Variants in AMZ1 observed in about 807,000 individuals in gnomAD.
The protein encoded by AMZ1 is archaelysin family metallopeptidase 1.
Under a neutral mutation model 29.9 loss-of-function variants are expected in AMZ1, and 39 were observed. The ratio of observed to expected loss-of-function variants is 1.30; its 90% CI spans 1.01 to 1.70. The LOEUF is 1.70. Among genes scored for constraint, AMZ1 ranks in the 40% most tolerant of loss-of-function variants. The pLI is 0.00. For synonymous variants in AMZ1, 458 were observed against 304.0 expected (o/e 1.51, Z -5.27); for missense variants, 1,041 against 680.6 (o/e 1.53, Z -5.89).
chr7:2,734,980 G>A (rs1790090166), intron 4 of AMZ1, among the ~76,000 whole-genome samples: 1 of 152,232 alleles, frequency 6.6e-6, no homozygotes. Flanking sequence ...CCCCCGTGAT[G>A]TGGGAAGCCA....
chr7:2,721,349 C>T (rs549481300), downstream of AMZ1, among the ~76,000 whole-genome samples: 4 of 152,310 alleles, frequency 2.6e-5, no homozygotes, highest in South Asian at 4.2e-4. Flanking sequence ...GCTTGCCCCA[C>T]GGTGGAACGC....
intron 1 of AMZ1, among the ~76,000 whole-genome samples, chr7:2,690,920 C>A (rs936828576): frequency 1.3e-5 from 2 of 151,956 alleles, no homozygotes; most frequent in African/African-American, 4.8e-5. Context: ...GCAGGCAGAC[C>A]ACTTGAGGCC....
At chr7:2,732,234 C>T (rs1336344765) in intron 4 of AMZ1, among the ~76,000 whole-genome samples, 1 of 152,172 alleles carries the variant, frequency 6.6e-6, no homozygotes, top group Non-Finnish European at 1.5e-5. Context: ...GCATACTCTT[C>T]ACTCACTTTG....
At chr7:2,694,345 C>G (rs192673231) in intron 1 of AMZ1, among the ~76,000 whole-genome samples, 2 of 152,208 alleles carry the variant, frequency 1.3e-5, no homozygotes, top group African/African-American at 4.8e-5. Flanking sequence ...CTCAGGCCTT[C>G]GGACATGAGC....
intron 1 of AMZ1, among the ~76,000 whole-genome samples, chr7:2,692,236 G>A (rs1239976800): frequency 6.6e-6 from 1 of 152,124 alleles, no homozygotes; most frequent in Non-Finnish European, 1.5e-5. Context: ...AGGACACAGT[G>A]GGGTTGAAAG....
intron 4 of AMZ1, among the ~76,000 whole-genome samples, chr7:2,726,715 A>G (rs1789632634): frequency 6.6e-6 from 1 of 152,224 alleles, no homozygotes; most frequent in Non-Finnish European, 1.5e-5. Flanking sequence ...TCTTTCCAGA[A>G]AGCTGCTTGT....
chr7:2,757,129 C>CT (rs71026549), intron 4 of AMZ1, among the ~76,000 whole-genome samples: 1,607 of 93,894 alleles, frequency 0.017, 12 homozygotes, highest in African/African-American at 0.019. Context: ...TCAGGTGGGC[C>CT]TTTTTTTTTT....
chr7:2,762,669 T>C (rs576113824), upstream of AMZ1: 24 of 1,597,526 alleles, frequency 1.5e-5, no homozygotes, highest in East Asian at 4.8e-4. Context: ...AGAGGATAAA[T>C]CATTTGGAAA....
rs759132863 is a variant in AMZ1 at position 2,700,547 on chromosome 7, T to C, written c.96T>C (p.Tyr32=). The change falls in exon 2 of 7, where the codon TAT becomes TAC. Residue 32 remains tyrosine, a synonymous_variant. Transcript: ENST00000683327. ...CTGACGCAGCCCTGCAGCAGCTGTA[T>C]GTGTCCGCCTTCTCCCCTGCCGAGC... The part of the protein sequence containing the change: ...VSTDAALQQL[Y]VSAFSPAERL... The C allele has an allele frequency of 8.1e-6, 13 of 1,609,516 alleles. No individual in the cohort carries two copies. The highest frequency in any genetic ancestry group is 1.7e-5 in the Admixed American group (1 of 60,030).
At chr7:2,732,424 T>C (rs549125335) in intron 4 of AMZ1, among the ~76,000 whole-genome samples, 7 of 152,294 alleles carry the variant, frequency 4.6e-5, no homozygotes, top group African/African-American at 1.7e-4. Flanking sequence ...CCTCATGCTA[T>C]AGTCCCAGCT....
Position 2,718,615 on chromosome 7 carries a change from C to A in AMZ1, c.*5737C>A, listed in dbSNP as rs191165490. Among the ~76,000 whole-genome samples, 13 of 152,388 alleles carry A rather than the reference C, an allele frequency of 8.5e-5. 1 individual carries two copies. The highest frequency in any genetic ancestry group is 1.8e-4 in the Non-Finnish European group (12 of 68,042). Reference sequence around the variant, plus strand: ...TGTGGGGTCCAGTCTGAAGCCGACGCCCCTCTCGGTCAGGCTTTCAGCAGC... The same window carrying A: ...TGTGGGGTCCAGTCTGAAGCCGACGACCCTCTCGGTCAGGCTTTCAGCAGC... On this transcript the variant is annotated 3_prime_UTR_variant, in exon 7 of 7. Transcript: ENST00000683327.
intron 4 of AMZ1, among the ~76,000 whole-genome samples, chr7:2,738,087 G>A (rs765246153): frequency 6.6e-6 from 1 of 151,984 alleles, no homozygotes; most frequent in African/African-American, 2.4e-5. Context: ...TTTTAATTTG[G>A]GTACCTATGA....
rs1583228276 is a variant in AMZ1 at position 2,746,730 on chromosome 7, G to T, written n.551-17982G>T. 2.6e-5 allele frequency among the ~76,000 whole-genome samples: 4 copies of T among 152,186 alleles called. No homozygotes were observed. The East Asian group carries it at 7.7e-4, about 29-fold the overall frequency. ...CTTCAAAAAATTAATGAATCCAGGAGCTGGTTTTTTGAAAAGATCAACAAA... is the reference window on the plus strand; with the variant it reads ...CTTCAAAAAATTAATGAATCCAGGATCTGGTTTTTTGAAAAGATCAACAAA... On this transcript the variant is annotated intron_variant and non_coding_transcript_variant, in intron 4 of 4. Transcript: ENST00000489665.
downstream of AMZ1, among the ~76,000 whole-genome samples, chr7:2,720,004 C>CT (rs1215259461): frequency 6.6e-6 from 1 of 152,154 alleles, no homozygotes; most frequent in Admixed American, 6.6e-5. Context: ...TTAAAAAGGG[C>CT]TTAAACGAAG....
Position 2,709,890 on chromosome 7 carries a change from A to C in AMZ1, c.948+74A>C, listed in dbSNP as rs934857786. On this transcript the variant is annotated intron_variant, in intron 6 of 6. Coordinates refer to ENST00000683327, the MANE Select transcript of AMZ1 (RefSeq NM_001384743.1). ...GGCCCGCGAGCGCCGCCTGGAGGCT[A>C]CGCAGGGCATGGGGACCGCACACAG... is the stretch of plus-strand genomic sequence containing the variant. 3 of 1,570,000 alleles carry C rather than the reference A, an allele frequency of 1.9e-6. No homozygotes were observed. The African/African-American group carries it at 4.1e-5, about 21-fold the overall frequency.
chr7:2,709,178 G>GGC lies in AMZ1; in HGVS notation c.706_707dup (p.Leu238ProfsTer64). 1 of 1,545,886 alleles carries GGC rather than the reference G, an allele frequency of 6.5e-7. No homozygotes were observed. Among genetic ancestry groups the GGC allele is most frequent in the African/African-American group, 1.4e-5 (1 of 72,354 alleles). On this transcript the variant is annotated frameshift_variant, in exon 5 of 7. Transcript: ENST00000683327. LOFTEE classifies it high-confidence loss of function. ...TAGAGGCAGCAGCAGACGGCCCCGA[G>GGC]GCCCCCCTGCAGGACAGGGGCTGGG...
chr7:2,686,366 C>G (rs935353478), upstream of AMZ1, among the ~76,000 whole-genome samples: 3 of 152,060 alleles, frequency 2.0e-5, no homozygotes, highest in Non-Finnish European at 4.4e-5. Flanking sequence ...GATCCCATCT[C>G]TACATAAAAG....
At position 2,712,823 on chromosome 7, in the gene AMZ1, G is replaced by C. The variant is rs759528870; in HGVS notation, c.1442G>C (p.Arg481Pro). Residue 481 changes from arginine (R) to proline (P), a missense_variant, in exon 7 of 7, where the codon CGA (arginine) becomes CCA (proline). Arg to Pro is a moderately radical substitution (Grantham distance 103). Transcript: ENST00000683327. ...TCCCTGAGGAGGAAGCTGAGTGCCC[G>C]AAAACTCGCCAGAGCAGAGTCGGCC... is the stretch of plus-strand genomic sequence containing the variant. ...FSSLRRKLSA[R>P]KLARAESAPR... The C allele has an allele frequency of 6.5e-7, 1 of 1,536,658 alleles. No homozygotes were observed. Among genetic ancestry groups the C allele is most frequent in the Admixed American group, 2.0e-5 (1 of 50,642 alleles).
chr7:2,703,023 T>G lies in AMZ1; in HGVS notation c.472+134T>G, dbSNP rs1474244981. 5 of 1,298,272 alleles carry G rather than the reference T, an allele frequency of 3.9e-6. No individual in the cohort carries two copies. In the African/African-American group the frequency reaches 7.6e-5, roughly 20 times the overall value. 80.4% of individuals were successfully genotyped at this position (1,298,272 alleles called of 1,614,324 possible). On this transcript the variant is annotated intron_variant, in intron 3 of 6. Coordinates refer to ENST00000683327, the MANE Select transcript of AMZ1 (RefSeq NM_001384743.1). ...TGGGAAACATCCATTTCCCAGGTGTTTGGGAAGCAGGACCAAGCCGGAGAG... is the reference window on the plus strand; with the variant it reads ...TGGGAAACATCCATTTCCCAGGTGTGTGGGAAGCAGGACCAAGCCGGAGAG...
Sources: gnomAD v4.1 joint callset for allele counts (sites outside exome capture counted in the v4.1 genomes callset) on GRCh38, gnomAD v4.1.1 for gene constraint, MANE v1.5 for transcripts, NCBI Gene and HGNC (gene_info 2026-07-23, HGNC 2026-07-21) for gene names.